The following SLC36A3 variants were observed in gnomAD, a reference collection of about 807,000 sequenced individuals.
The protein encoded by SLC36A3 is solute carrier family 36 member 3.
Under a neutral mutation model 44.3 loss-of-function variants are expected in SLC36A3, and 35 were observed. The ratio of observed to expected loss-of-function variants is 0.79; its 90% CI spans 0.60 to 1.05. The LOEUF (loss-of-function observed/expected upper bound fraction) is 1.05. Among genes scored for constraint, SLC36A3 ranks in the 50% least tolerant of loss-of-function variants. The pLI is 0.00. For missense variants in SLC36A3, 540 were observed against 578.7 expected (o/e 0.93, Z 0.69); for synonymous variants, 211 against 227.6 (o/e 0.93, Z 0.66).
intron 6 of SLC36A3, among the ~76,000 whole-genome samples, chr5:151,286,835 A>G (rs1580811517): frequency 6.6e-6 from 1 of 152,152 alleles, no homozygotes; most frequent in East Asian, 1.9e-4. Context: ...TCTTTTGTCC[A>G]TCTACCACTT....
In SLC36A3 at chr5:151,287,314, C is replaced by T. The variant is rs753703192; in HGVS notation, c.640G>A (p.Val214Ile). The change falls in exon 6 of 10, where the codon GTC becomes ATC. Residue 214 changes from valine to isoleucine, a missense_variant. By Grantham distance (29) the Val-to-Ile change is conservative. Transcript: ENST00000335230. ...VFIQNLKVLS[V>I]FSTLANITTL... is the part of the protein sequence containing the mutation. ...GTGATGTTGGCCAATGTCGAGAAGACGGACAGCACCTTGAGGTTCTGGATA... is the reference window on the plus strand; with the variant it reads ...GTGATGTTGGCCAATGTCGAGAAGATGGACAGCACCTTGAGGTTCTGGATA... The T allele has an allele frequency of 1.1e-5, 18 of 1,614,110 alleles. No homozygotes were observed. The highest frequency in any genetic ancestry group is 1.6e-4 in the Middle Eastern group (1 of 6,062).
chr5:151,277,688 C>A, intron 9 of SLC36A3, 27 bp from the exon 10 acceptor site: 1 of 1,606,374 alleles, frequency 6.2e-7, no homozygotes, highest in African/African-American at 1.3e-5. Flanking sequence ...TATTTAGAAT[C>A]ACTGAATGTG....
intron 6 of SLC36A3, among the ~76,000 whole-genome samples, chr5:151,285,819 T>C (rs1232123546): frequency 6.6e-6 from 1 of 152,156 alleles, no homozygotes. Flanking sequence ...GCTTTGAAGA[T>C]GGAAGGCGGC....
chr5:151,277,749 G>A (rs1389203426), intron 9 of SLC36A3, 88 bp from the exon 10 acceptor site: 5 of 1,493,466 alleles, frequency 3.3e-6, no homozygotes, highest in Non-Finnish European at 4.5e-6. Flanking sequence ...AGACACCTGA[G>A]AGACCACTTT....
Position 151,287,442 on chromosome 5 carries a change from G to A in SLC36A3, c.512C>T (p.Thr171Ile), listed in dbSNP as rs1276738863. The change falls in exon 6 of 10, where the codon ACC (threonine) becomes ATC (isoleucine). Residue 171 changes from threonine (T) to isoleucine (I), a missense_variant. Physicochemically the swap from Thr to Ile is moderately conservative, Grantham distance 89. Coordinates refer to ENST00000335230, the MANE Select transcript of SLC36A3 (RefSeq NM_181774.4). Reference sequence around the variant, plus strand: ...CTCCCTGGGCTGGCAGATGTTGGAGGTCACGTGGGCTTTTTCCACCATCTG... The same window carrying A: ...CTCCCTGGGCTGGCAGATGTTGGAGATCACGTGGGCTTTTTCCACCATCTG... ...LQQMVEKAHV[T>I]SNICQPREIL... 3 of 1,614,136 alleles carry A rather than the reference G, an allele frequency of 1.9e-6. No homozygotes were observed. Among genetic ancestry groups the A allele is most frequent in the South Asian group, 2.2e-5 (2 of 91,074 alleles).
chr5:151,284,023 C>T, intron 8 of SLC36A3, 21 bp downstream of exon 8: 1 of 1,596,912 alleles, frequency 6.3e-7, no homozygotes. Context: ...CCCTATCTCA[C>T]CTGAGGTGGG....
intron 4 of SLC36A3, among the ~76,000 whole-genome samples, chr5:151,292,278 AT>A (rs1754786718): frequency 6.6e-6 from 1 of 152,184 alleles, no homozygotes; most frequent in Non-Finnish European, 1.5e-5. Context: ...ACCTCATCTA[AT>A]CATTAGAGTG....
In SLC36A3 at chr5:151,281,044, AC is replaced by A. The variant is rs763696492; in HGVS notation, c.1113del (p.Ser372LeufsTer9). 6.2e-7 allele frequency: 1 copy of A among 1,614,220 alleles called. No individual in the cohort carries two copies. The highest frequency in any genetic ancestry group is 1.1e-5 in the South Asian group (1 of 91,088). On this transcript the variant is annotated frameshift_variant, in exon 9 of 10. Transcript: ENST00000335230. LOFTEE classifies it high-confidence loss of function. ...AGACAGACCAAGGCTGAGCGGACAGACAGGTCTACAAACAGTGCCCAGCTCT... is the reference window on the plus strand; with the variant it reads ...AGACAGACCAAGGCTGAGCGGACAGAAGGTCTACAAACAGTGCCCAGCTCT... The part of the protein sequence containing the change: ...VSESWALFVD[L>X]SVRSALVCLT...
In SLC36A3 at chr5:151,303,303, CG is replaced by C. The variant is rs868728686; in HGVS notation, c.51del (p.Asn17LysfsTer28). 8.7e-6 allele frequency: 14 copies of C among 1,613,910 alleles called. No individual in the cohort carries two copies. Among genetic ancestry groups the C allele is most frequent in the Non-Finnish European group, 1.2e-5 (14 of 1,180,006 alleles). On this transcript the variant is annotated frameshift_variant, in exon 1 of 10. Coordinates refer to ENST00000335230, the MANE Select transcript of SLC36A3 (RefSeq NM_181774.4). LOFTEE classifies it high-confidence loss of function. Reference sequence around the variant, plus strand: ...CTGCTCTCTGAGGGTGACTGAGGTCCGTTGTCCAAGGAGTTCAGCTCACTGT... The same window carrying C: ...CTGCTCTCTGAGGGTGACTGAGGTCCTTGTCCAAGGAGTTCAGCTCACTGT... ...DYNSELNSLDNGPQSPSESSS... is the reference protein window; with the variant it reads ...DYNSELNSLDXGPQSPSESSS...
Position 151,293,406 on chromosome 5 carries a change from G to T in SLC36A3, c.362C>A (p.Thr121Asn). ...GGCCCTCAGCCAGGTGTTCGGGCAG[G>T]TTTCAAGGCCGTACATCGTGGCCTC... ...YGEATMYGLE[T>N]CPNTWLRAHA... Residue 121 changes from threonine to asparagine, a missense_variant, in exon 4 of 10, where the codon ACC (threonine) becomes AAC (asparagine). Physicochemically the swap from Thr to Asn is moderately conservative, Grantham distance 65. Transcript: ENST00000335230. The T allele has an allele frequency of 6.2e-7, 1 of 1,613,900 alleles. No homozygotes were observed. Among genetic ancestry groups the T allele is most frequent in the Non-Finnish European group, 8.5e-7 (1 of 1,179,880 alleles).
chr5:151,294,234 A>G (rs1754872171), intron 3 of SLC36A3, among the ~76,000 whole-genome samples: 2 of 152,346 alleles, frequency 1.3e-5, no homozygotes, highest in Non-Finnish European at 2.9e-5. Context: ...GGGAAGAGAC[A>G]GTGAGAGACG....
intron 7 of SLC36A3, 135 bp downstream of exon 7, chr5:151,284,478 A>G: frequency 1.4e-6 from 1 of 737,162 alleles, no homozygotes; most frequent in Non-Finnish European, 2.2e-6. Flanking sequence ...GTATGTGGGT[A>G]CAGACTTTCC....
Position 151,284,119 on chromosome 5 carries a change from A to G in SLC36A3, c.899T>C (p.Leu300Ser). The change falls in exon 8 of 10, where the codon TTA (leucine) becomes TCA (serine). Residue 300 changes from leucine to serine, a missense_variant. Leu to Ser is a moderately radical substitution (Grantham distance 145). Transcript: ENST00000335230. ...CTTCATGTAGCCCAGTGTCCCCAGT[A>G]AGATATAGAGGATGATGACAATGGA... ...GMSIVIILYILLGTLGYMKFG... is the reference protein window; with the variant it reads ...GMSIVIILYISLGTLGYMKFG... 2 of 1,614,142 alleles carry G rather than the reference A, an allele frequency of 1.2e-6. No individual in the cohort carries two copies. Among genetic ancestry groups the G allele is most frequent in the Non-Finnish European group, 1.7e-6 (2 of 1,180,008 alleles).
At chr5:151,299,264 C>CTCTCTCTCTCTATATATATATA (rs1372309288) in intron 1 of SLC36A3, among the ~76,000 whole-genome samples, 16 of 59,644 alleles carry the variant, frequency 2.7e-4, no homozygotes, top group African/African-American at 5.0e-4. Flanking sequence ...CTCTCTCTCT[C>CTCTCTCTCTCTATATATATATA]TATATATATA....
intron 4 of SLC36A3, among the ~76,000 whole-genome samples, chr5:151,289,670 G>A (rs1005804190): frequency 1.3e-5 from 2 of 152,076 alleles, no homozygotes; most frequent in Non-Finnish European, 2.9e-5. Flanking sequence ...AAGAGTATAG[G>A]CCAATTGTCT....
intron 1 of SLC36A3, among the ~76,000 whole-genome samples, chr5:151,299,264 C>CTCTATATATATATATATA (rs1372309288): frequency 1.0e-4 from 6 of 59,644 alleles, no homozygotes; most frequent in East Asian, 6.0e-4. Flanking sequence ...CTCTCTCTCT[C>CTCTATATATATATATATA]TATATATATA....
At chr5:151,293,668 AACTG>A (rs1334667299) in intron 3 of SLC36A3, among the ~76,000 whole-genome samples, 4 of 152,330 alleles carry the variant, frequency 2.6e-5, no homozygotes, top group Admixed American at 2.0e-4. Context: ...ACAAATATTT[AACTG>A]ACTATCATTG....
At chr5:151,303,114 A>G (rs1347611203) in intron 1 of SLC36A3, 113 bp downstream of exon 1, 2 of 1,296,904 alleles carry the variant, frequency 1.5e-6, no homozygotes, top group African/African-American at 1.5e-5. Context: ...ATCCACGCAT[A>G]TCGTGTTAAT....
chr5:151,299,225 GCTCTCTCTCTCTCTCTCTCT>G (rs61382152), intron 1 of SLC36A3, among the ~76,000 whole-genome samples: 4 of 92,390 alleles, frequency 4.3e-5, no homozygotes, highest in South Asian at 4.2e-4. Flanking sequence ...TTGCTTGTGC[GCTCTCTCTCTCTCTCTCTCT>G]CTCTCTCTCT....
Sources: allele counts gnomAD v4.1 joint callset (sites outside exome capture counted in the v4.1 genomes callset), GRCh38; gene constraint gnomAD v4.1.1; transcripts MANE v1.5; gene names NCBI Gene and HGNC (gene_info 2026-07-23, HGNC 2026-07-21).